The following INO80 variants were observed in gnomAD, a reference collection of about 807,000 sequenced individuals.
INO80 encodes INO80 complex ATPase subunit.
A neutral mutation model predicts 203.4 loss-of-function variants in INO80; 20 were observed. The ratio of observed to expected loss-of-function variants is 0.10; its 90% CI spans 0.07 to 0.14. INO80 has a LOEUF of 0.14. Ranked by LOEUF, INO80 falls within the 10% of genes least tolerant of loss-of-function variation. INO80 has a pLI of 1.00. For synonymous variants in INO80, 726 were observed against 685.2 expected (o/e 1.06, Z -0.93); for missense variants, 1,419 against 1,914.4 (o/e 0.74, Z 4.83).
intron 28 of INO80, among the ~76,000 whole-genome samples, chr15:41,000,656 C>T (rs2043946198): frequency 7.4e-6 from 1 of 135,808 alleles, no homozygotes; most frequent in Non-Finnish European, 1.5e-5. Flanking sequence ...AATTGCTCTA[C>T]TGTGTTCTAC....
Position 41,020,926 on chromosome 15 carries a change from T to C in INO80, c.3248A>G (p.Asn1083Ser). Residue 1083 changes from asparagine (N) to serine (S), a missense_variant, in exon 26 of 36, where the codon AAT becomes AGT. Asn to Ser is a conservative substitution (Grantham distance 46). Coordinates refer to ENST00000648947, the MANE Select transcript of INO80 (RefSeq NM_017553.3). ...TGGAATCCTGATGAAAGACCAGCCATTCTGAGGTCTGATGCTCCACAGACC... is the reference window on the plus strand; with the variant it reads ...TGGAATCCTGATGAAAGACCAGCCACTCTGAGGTCTGATGCTCCACAGACC... ...AGGLWSIRPQNGWSFIRIPGK... is the reference protein window; with the variant it reads ...AGGLWSIRPQSGWSFIRIPGK... The C allele has an allele frequency of 6.2e-7, 1 of 1,613,214 alleles. No homozygotes were observed. The highest frequency in any genetic ancestry group is 1.1e-5 in the South Asian group (1 of 91,064).
At chr15:40,996,350 TCTCA>T (rs1318418166) in intron 29 of INO80, among the ~76,000 whole-genome samples, 1 of 152,174 alleles carries the variant, frequency 6.6e-6, no homozygotes, top group Non-Finnish European at 1.5e-5. Context: ...TTTGAGACAG[TCTCA>T]CTCTGTCGCC....
At chr15:41,110,555 C>T (rs2045945252) in intron 1 of INO80, among the ~76,000 whole-genome samples, 1 of 152,094 alleles carries the variant, frequency 6.6e-6, no homozygotes, top group Admixed American at 6.6e-5. Context: ...CCTCCCATTT[C>T]GGCCTCCAGA....
intron 9 of INO80, among the ~76,000 whole-genome samples, chr15:41,077,246 T>C (rs2045419026): frequency 6.6e-6 from 1 of 150,450 alleles, no homozygotes; most frequent in African/African-American, 2.4e-5. Flanking sequence ...AAAAGAGCAT[T>C]ATTGGTCCAA....
At chr15:41,026,570 C>T (rs2044378078) in intron 25 of INO80, among the ~76,000 whole-genome samples, 1 of 151,008 alleles carries the variant, frequency 6.6e-6, no homozygotes, top group East Asian at 2.0e-4. Context: ...TTAAAAAAAA[C>T]AAAAACAAAA....
At position 41,085,366 on chromosome 15, in the gene INO80, T is replaced by A; in HGVS notation, c.873+3A>T. On this transcript the variant is annotated splice_donor_region_variant and intron_variant, in intron 7 of 35. Transcript: ENST00000648947. ...TTTCCATCTCCTGGAGGCATTCACT[T>A]ACCTTTGGTAGTTCCTTTTTCACAA... The A allele has an allele frequency of 6.2e-7, 1 of 1,613,542 alleles. No homozygotes were observed. The highest frequency in any genetic ancestry group is 8.5e-7 in the Non-Finnish European group (1 of 1,179,488).
chr15:41,023,454 A>AT, intron 25 of INO80: 3 of 401,238 alleles, frequency 7.5e-6, no homozygotes, highest in South Asian at 5.4e-5. Context: ...ATACTCTTAG[A>AT]TAAGTAAAGC....
chr15:40,987,556 T>C (rs1404570258), intron 30 of INO80, among the ~76,000 whole-genome samples: 1 of 152,146 alleles, frequency 6.6e-6, no homozygotes, highest in African/African-American at 2.4e-5. Context: ...CGAGAGGCCA[T>C]TACCGGTGTC....
chr15:41,085,315 G>T, intron 7 of INO80, 54 bp downstream of exon 7: 1 of 1,451,362 alleles, frequency 6.9e-7, no homozygotes, highest in Non-Finnish European at 9.7e-7. Context: ...CTCTTTAGTG[G>T]GTGGGGAGAG....
intron 27 of INO80, among the ~76,000 whole-genome samples, chr15:41,009,416 T>C (rs1045166054): frequency 1.3e-4 from 17 of 126,040 alleles, no homozygotes; most frequent in Non-Finnish European, 2.0e-4. Flanking sequence ...CAGAGTGTTA[T>C]GTTCCCCTTC....
chr15:41,081,033 G>T lies in INO80; in HGVS notation c.914C>A (p.Thr305Asn). 6.3e-7 allele frequency: 1 copy of T among 1,598,772 alleles called. No individual in the cohort carries two copies. The highest frequency in any genetic ancestry group is 8.6e-7 in the Non-Finnish European group (1 of 1,166,788). ...CTACAATTTTACCTTTCGGCTATTG[G>T]TGAGAAACAGGTTACGAGCTGAAGC... ...QKASARNLFLTNSRKLAHQCM... is the reference protein window; with the variant it reads ...QKASARNLFLNNSRKLAHQCM... The change falls in exon 8 of 36, where the codon ACC (threonine) becomes AAC (asparagine). Residue 305 changes from threonine to asparagine, a missense_variant. Physicochemically the swap from Thr to Asn is moderately conservative, Grantham distance 65. This residue lies in a region of INO80 where 87 missense variants were observed against 150.5 expected (regional missense o/e 0.58). Coordinates refer to ENST00000648947, the MANE Select transcript of INO80 (RefSeq NM_017553.3).
chr15:41,031,486 AG>A (rs1191988837), intron 24 of INO80, among the ~76,000 whole-genome samples: 3 of 98,960 alleles, frequency 3.0e-5, no homozygotes, highest in Non-Finnish European at 5.9e-5. Context: ...AGAAGGAGAG[AG>A]GGAGGGGAGG....
intron 1 of INO80, among the ~76,000 whole-genome samples, chr15:41,106,060 C>G (rs2045875766): frequency 6.6e-6 from 1 of 152,002 alleles, no homozygotes; most frequent in African/African-American, 2.4e-5. Context: ...GAGTTCAACA[C>G]CAGCCTGGGT....
In INO80 at chr15:41,059,935, A is replaced by G. The variant is rs768678257; in HGVS notation, c.1783-9T>C. ...CCCCAATATGGTAGCACCTAGAAAA[A>G]GGGCCAATATATACATTACTTTCTA... On this transcript the variant is annotated splice_polypyrimidine_tract_variant and intron_variant, in intron 14 of 35. Transcript: ENST00000648947. 3 of 1,578,300 alleles carry G rather than the reference A, an allele frequency of 1.9e-6. No homozygotes were observed. The highest frequency in any genetic ancestry group is 2.6e-6 in the Non-Finnish European group (3 of 1,149,790).
intron 5 of INO80, among the ~76,000 whole-genome samples, chr15:41,089,674 C>CGG (rs1270104070): frequency 6.6e-6 from 1 of 150,484 alleles, no homozygotes; most frequent in African/African-American, 2.5e-5. Flanking sequence ...ACTCAGAAGG[C>CGG]GGAGGTGGCA....
At chr15:41,105,855 CACA>C (rs1441559164) in intron 1 of INO80, among the ~76,000 whole-genome samples, 1 of 152,074 alleles carries the variant, frequency 6.6e-6, no homozygotes, top group Non-Finnish European at 1.5e-5. Flanking sequence ...TATTTTTTGG[CACA>C]ACAAGATACT....
chr15:40,993,098 A>T (rs1160028817), intron 29 of INO80, among the ~76,000 whole-genome samples: 1 of 152,166 alleles, frequency 6.6e-6, no homozygotes, highest in Non-Finnish European at 1.5e-5. Context: ...CCCAGCCTAG[A>T]GCCCCTTTCT....
At chr15:41,024,411 A>G (rs868805676) in intron 25 of INO80, 1 of 152,148 alleles carries the variant, frequency 6.6e-6, no homozygotes, top group African/African-American at 2.4e-5. Flanking sequence ...TCCCGATTTG[A>G]TCAGAAGGAG....
chr15:40,983,966 C>T lies in INO80; in HGVS notation c.4078-45G>A, dbSNP rs769238261. 15 of 1,592,140 alleles carry T rather than the reference C, an allele frequency of 9.4e-6. No homozygotes were observed. The Admixed American group carries it at 1.0e-4, about 11-fold the overall frequency. On this transcript the variant is annotated intron_variant, in intron 33 of 35. Transcript: ENST00000648947. ...GATCATTACGACCCCCTGTGCTCACCGCCCATGGCCTTGCACCCAGCTAGG... is the reference window on the plus strand; with the variant it reads ...GATCATTACGACCCCCTGTGCTCACTGCCCATGGCCTTGCACCCAGCTAGG...
Sources: allele counts gnomAD v4.1 joint callset (sites outside exome capture counted in the v4.1 genomes callset), GRCh38; gene constraint gnomAD v4.1.1; regional missense constraint gnomAD v4.1.1; transcripts MANE v1.5; gene names NCBI Gene and HGNC (gene_info 2026-07-23, HGNC 2026-07-21).